TSC1: variants seen among roughly 807,000 people sequenced by gnomAD.
TSC1 encodes the protein hamartin.
TSC1 carries 20 observed loss-of-function variants against 124.3 expected under a neutral mutation model. The ratio of observed to expected loss-of-function variants is 0.16; its 90% CI spans 0.11 to 0.23. The LOEUF (loss-of-function observed/expected upper bound fraction) is 0.23. Ranked by LOEUF, TSC1 falls within the 10% of genes least tolerant of loss-of-function variation. TSC1 has a pLI of 1.00. For missense variants in TSC1, 1,124 were observed against 1,448.5 expected, an observed-to-expected ratio of 0.78 and a Z score of 3.64; for synonymous variants, 493 against 539.1, an observed-to-expected ratio of 0.91 and a Z score of 1.19.
intron 8 of TSC1, among the ~76,000 whole-genome samples, chr9:132,913,921 CA>C (rs1174081577): frequency 2.2e-5 from 2 of 89,638 alleles, no homozygotes; most frequent in Non-Finnish European, 4.1e-5. Flanking sequence ...TTTTTTTAGA[CA>C]GAGTCTCACT....
intron 15 of TSC1, among the ~76,000 whole-genome samples, chr9:132,905,095 G>A (rs934167191): frequency 6.6e-6 from 1 of 152,138 alleles, no homozygotes; most frequent in Non-Finnish European, 1.5e-5. Context: ...GTGCCTCAGG[G>A]GGTCTGGAGG....
At chr9:132,908,590 C>G (rs1588316875) in intron 12 of TSC1, among the ~76,000 whole-genome samples, 1 of 151,396 alleles carries the variant, frequency 6.6e-6, no homozygotes, top group East Asian at 1.9e-4. Flanking sequence ...GCTGGGACTA[C>G]AGATGCACAT....
chr9:132,908,514 G>A (rs1170773096), intron 12 of TSC1, among the ~76,000 whole-genome samples: 2 of 152,166 alleles, frequency 1.3e-5, no homozygotes, highest in South Asian at 2.1e-4. Context: ...ATGCAGTGGC[G>A]TGATCATGGC....
rs1480958887 is a variant in TSC1, at chr9:132,921,858, A to G, written c.624T>C (p.Ser208=). 6.2e-7 allele frequency: 1 copy of G among 1,614,092 alleles called. No individual in the cohort carries two copies. The highest frequency in any genetic ancestry group is 8.5e-7 in the Non-Finnish European group (1 of 1,180,034). ...NFVSFLRSHY[S]MKENLETFEE... Reference sequence around the variant, plus strand: ...CAAAAGTCTCCAGGTTTTCTTTCATACTGTAATGAGAACGCAAAAAGGAGA... The same window carrying G: ...CAAAAGTCTCCAGGTTTTCTTTCATGCTGTAATGAGAACGCAAAAAGGAGA... The change falls in exon 7 of 23, where the codon AGT becomes AGC. Residue 208 remains serine (S), a synonymous_variant. Coordinates refer to ENST00000298552, the MANE Select transcript of TSC1 (RefSeq NM_000368.5). This position sits in a 1 kb window ranked among gnomAD's most constrained non-coding sequence, Gnocchi z 4.3.
At chr9:132,909,668 C>T (rs1168088063) in intron 12 of TSC1, 1 of 152,170 alleles carries the variant, frequency 6.6e-6, no homozygotes, top group Non-Finnish European at 1.5e-5. Context: ...CCAGAGGTCA[C>T]CATCATACCC....
rs377185303 is a variant in TSC1 at position 132,905,893 on chromosome 9, G to C, written c.1685C>G (p.Ala562Gly). 3.9e-5 allele frequency: 63 copies of C among 1,612,018 alleles called. No individual in the cohort carries two copies. Among genetic ancestry groups the C allele is most frequent in the Non-Finnish European group, 5.2e-5 (61 of 1,178,448 alleles). The change falls in exon 15 of 23, where the codon GCT becomes GGT. Residue 562 changes from alanine to glycine, a missense_variant. Ala to Gly is a moderately conservative substitution (Grantham distance 60). Around this residue, in one of 5 missense-constraint regions of TSC1, gnomAD observed 321 missense variants for 397.4 expected, o/e 0.81. Transcript: ENST00000298552. Reference sequence around the variant, plus strand: ...CCTGTCTCCCGCAGGGCTTTCATCAGCACTGCCGCAGGGCAGGTCTATGGG... The same window carrying C: ...CCTGTCTCCCGCAGGGCTTTCATCACCACTGCCGCAGGGCAGGTCTATGGG... ...FTPIDLPCGS[A>G]DESPAGDREC...
chr9:132,902,874 C>CTTAT lies in TSC1; in HGVS notation c.2209-88_2209-87insATAA. ...ACTGCGAACATTTCATCTGAATAGT[C>CTTAT]ATAAGCTACCCTGAAAATGTAACTA... On this transcript the variant is annotated intron_variant, in intron 17 of 22. Coordinates refer to ENST00000298552, the MANE Select transcript of TSC1 (RefSeq NM_000368.5). The surrounding 1 kb of genome is among the most constrained non-coding windows in gnomAD (Gnocchi z 5.2). The CTTAT allele has an allele frequency of 6.6e-7, 1 of 1,508,396 alleles. No individual in the cohort carries two copies. The highest frequency in any genetic ancestry group is 2.3e-5 in the East Asian group (1 of 44,416). The allele number at this position is 1,508,396 out of a possible 1,614,324, so 93.4% of individuals were successfully genotyped here. A position where few individuals can be genotyped will look rare whatever the true frequency, so the allele number is the denominator to read the frequency against.
At chr9:132,934,243 G>A (rs907728351) in intron 2 of TSC1, among the ~76,000 whole-genome samples, 2 of 152,134 alleles carry the variant, frequency 1.3e-5, no homozygotes, top group Non-Finnish European at 2.9e-5. Context: ...GCTCTGTTGC[G>A]CTTGGCACTA....
At chr9:132,944,833 C>T, upstream of TSC1, 1 of 377,274 alleles carries the variant, frequency 2.7e-6, no homozygotes, top group Non-Finnish European at 4.7e-6. Context: ...CGGGGCCGGG[C>T]GGAAGGATCC....
At chr9:132,932,611 T>C (rs771561836) in intron 2 of TSC1, among the ~76,000 whole-genome samples, 40 of 152,358 alleles carry the variant, frequency 2.6e-4, no homozygotes, top group Non-Finnish European at 3.1e-4. Flanking sequence ...ATGAAACTCA[T>C]GAGTAGCCTA....
Position 132,893,028 on chromosome 9 carries a change from T to C in TSC1, c.*3207A>G, listed in dbSNP as rs1262620540. Reference sequence around the variant, plus strand: ...GTGCGGCATGGTGGGTGAATTTTTCTAATTGTCCTGGGTCGTAACAGTTCA... The same window carrying C: ...GTGCGGCATGGTGGGTGAATTTTTCCAATTGTCCTGGGTCGTAACAGTTCA... On this transcript the variant is annotated 3_prime_UTR_variant, in exon 23 of 23. Transcript: ENST00000298552. 1 of 233,252 alleles carries C rather than the reference T, an allele frequency of 4.3e-6. No homozygotes were observed. Among genetic ancestry groups the C allele is most frequent in the Non-Finnish European group, 8.5e-6 (1 of 118,086 alleles). 14.4% of individuals were successfully genotyped at this position (233,252 alleles called of 1,614,324 possible).
Position 132,897,406 on chromosome 9 carries a change from T to G in TSC1, c.2813+17A>C, listed in dbSNP as rs762113957. ...CCACTTAATAAAAACACAAAAGCCT[T>G]TCCTGATGAAAGTTACCTTGCCTGG... On this transcript the variant is annotated intron_variant, in intron 21 of 22. Coordinates refer to ENST00000298552, the MANE Select transcript of TSC1 (RefSeq NM_000368.5). 1 of 1,614,200 alleles carries G rather than the reference T, an allele frequency of 6.2e-7. No homozygotes were observed. The highest frequency in any genetic ancestry group is 1.1e-5 in the South Asian group (1 of 91,088).
intron 2 of TSC1, among the ~76,000 whole-genome samples, chr9:132,932,470 T>C (rs1021325939): frequency 4.4e-4 from 67 of 152,234 alleles, no homozygotes; most frequent in Admixed American, 4.3e-3. Flanking sequence ...CATGCTACCC[T>C]ACAAAATTCA....
chr9:132,908,352 C>G (rs1845773755), intron 12 of TSC1, among the ~76,000 whole-genome samples: 1 of 152,192 alleles, frequency 6.6e-6, no homozygotes, highest in African/African-American at 2.4e-5. Context: ...ATTCTCATAT[C>G]TACCTCTACA....
intron 1 of TSC1, 25 bp downstream of exon 1, chr9:132,944,518 G>A (rs1329639448): frequency 2.5e-6 from 1 of 398,482 alleles, no homozygotes; most frequent in African/African-American, 2.1e-5. Flanking sequence ...CCATAAAAAG[G>A]AGGGGGAGAC....
Position 132,891,603 on chromosome 9 carries a change from T to TA in TSC1, c.*4631dup, listed in dbSNP as rs60000611. On this transcript the variant is annotated 3_prime_UTR_variant, in exon 23 of 23. Coordinates refer to ENST00000298552, the MANE Select transcript of TSC1 (RefSeq NM_000368.5). Reference sequence around the variant, plus strand: ...TTCAATTTAACTAAAAGCAGTCCGTTAAAAAAAATCAGTTTCTTTCACTGA... The same window carrying TA: ...TTCAATTTAACTAAAAGCAGTCCGTTAAAAAAAAATCAGTTTCTTTCACTGA... The TA allele has an allele frequency of 4.3e-4, 100 of 233,302 alleles. No individual in the cohort carries two copies. Among genetic ancestry groups the TA allele is most frequent in the Non-Finnish European group, 7.0e-4 (83 of 117,952 alleles). The allele number at this position is 233,302 out of a possible 1,614,324, so 14.5% of individuals were successfully genotyped here.
intron 1 of TSC1, among the ~76,000 whole-genome samples, chr9:132,943,313 C>G (rs1460344494): frequency 6.7e-6 from 1 of 149,070 alleles, no homozygotes; most frequent in East Asian, 1.9e-4. Context: ...CTATCAAATA[C>G]TTTTTAGCCT....
Position 132,892,694 on chromosome 9 carries a change from T to A in TSC1, c.*3541A>T, listed in dbSNP as rs1844835706. On this transcript the variant is annotated 3_prime_UTR_variant, in exon 23 of 23. Coordinates refer to ENST00000298552, the MANE Select transcript of TSC1 (RefSeq NM_000368.5). ...CGCAGAACTTTTGTTTGCTCTTCGG[T>A]TCTTTCCTTCTTCAAGTGGTATGCT... is the stretch of plus-strand genomic sequence containing the variant. 4.3e-6 allele frequency: 1 copy of A among 233,192 alleles called. No homozygotes were observed. Among genetic ancestry groups the A allele is most frequent in the African/African-American group, 2.2e-5 (1 of 45,340 alleles). 14.4% of individuals were successfully genotyped at this position (233,192 alleles called of 1,614,324 possible). A position where few individuals can be genotyped will look rare whatever the true frequency, so the allele number is the denominator to read the frequency against.
intron 1 of TSC1, among the ~76,000 whole-genome samples, chr9:132,943,005 T>G (rs370651591): frequency 6.6e-6 from 1 of 152,230 alleles, no homozygotes; most frequent in Non-Finnish European, 1.5e-5. Flanking sequence ...ATGTTCAATT[T>G]AAGAATCACA....
Sources: gnomAD v4.1 joint callset for allele counts (sites outside exome capture counted in the v4.1 genomes callset) on GRCh38, gnomAD v4.1.1 for gene constraint, gnomAD v4.1.1 regional missense constraint, Gnocchi (gnomAD v3.1) non-coding constraint, MANE v1.5 for transcripts, NCBI Gene and HGNC (gene_info 2026-07-23, HGNC 2026-07-21) for gene names.